TULP4: variants seen among roughly 807,000 people sequenced by gnomAD.
The protein encoded by TULP4 is TUB like protein 4.
A neutral mutation model predicts 129.0 loss-of-function variants in TULP4; 16 were observed. The observed-to-expected ratio is 0.12, with a 90% CI of 0.08 to 0.19. The LOEUF is 0.19. TULP4 is among the 10% of genes least tolerant of loss of function. TULP4 has a pLI of 1.00. For synonymous variants in TULP4, 998 were observed against 854.0 expected, an observed-to-expected ratio of 1.17 and a Z score of -2.94; for missense variants, 1,842 against 2,059.1, an observed-to-expected ratio of 0.89 and a Z score of 2.04.
At chr6:158,278,148 C>T (rs1488413867), upstream of TULP4, among the ~76,000 whole-genome samples, 3 of 152,180 alleles carry the variant, frequency 2.0e-5, no homozygotes, top group East Asian at 1.9e-4. Flanking sequence ...TGTTGCATGT[C>T]GGTCAAGTGG....
At chr6:158,469,300 A>T (rs1255640302) in intron 6 of TULP4, among the ~76,000 whole-genome samples, 1 of 148,694 alleles carries the variant, frequency 6.7e-6, no homozygotes, top group Non-Finnish European at 1.5e-5. Flanking sequence ...TCGAGACAGG[A>T]TCTCACTCTG....
chr6:158,351,458 G>A (rs1391487864), intron 1 of TULP4, among the ~76,000 whole-genome samples: 1 of 152,130 alleles, frequency 6.6e-6, no homozygotes, highest in Non-Finnish European at 1.5e-5. Flanking sequence ...AGTTGAATAA[G>A]GCTTGTTGTT....
At chr6:158,404,821 T>C (rs1414030886) in intron 1 of TULP4, among the ~76,000 whole-genome samples, 4 of 150,180 alleles carry the variant, frequency 2.7e-5, no homozygotes, top group East Asian at 3.9e-4. Flanking sequence ...ACATGAAATA[T>C]CCATAAGGTC....
chr6:158,393,844 C>T (rs955649340), intron 1 of TULP4, among the ~76,000 whole-genome samples: 4 of 152,220 alleles, frequency 2.6e-5, no homozygotes, highest in East Asian at 1.9e-4. Flanking sequence ...TTTTCCCCAT[C>T]GTCTTGGCGA....
upstream of TULP4, among the ~76,000 whole-genome samples, chr6:158,309,315 C>T (rs1295199096): frequency 7.0e-6 from 1 of 143,136 alleles, no homozygotes; most frequent in African/African-American, 2.6e-5. Flanking sequence ...AGAGGCGCTC[C>T]CCACATCTCA....
chr6:158,307,357 C>A (rs1381344880), intron 1 of TULP4, among the ~76,000 whole-genome samples: 1 of 152,102 alleles, frequency 6.6e-6, no homozygotes, highest in Non-Finnish European at 1.5e-5. Flanking sequence ...TCTTTGATAA[C>A]CACACTAAAA....
At chr6:158,242,582 GGAGA>G (rs1272963845) in intron 1 of TULP4, 7 of 725,598 alleles carry the variant, frequency 9.6e-6, no homozygotes, top group Middle Eastern at 2.4e-4. Context: ...CCTTTTCAAA[GGAGA>G]GAGAGTTATT....
intron 1 of TULP4, among the ~76,000 whole-genome samples, chr6:158,319,417 C>CTTACTTAG (rs5881251): frequency 0.86 from 130,544 of 151,574 alleles, 56,629 homozygotes; most frequent in South Asian, 0.93. Context: ...CATCTCTGCC[C>CTTACTTAG]TTACCTTATC....
intron 8 of TULP4, among the ~76,000 whole-genome samples, chr6:158,489,288 G>C (rs1021812984): frequency 1.4e-4 from 22 of 152,250 alleles, no homozygotes; most frequent in African/African-American, 3.9e-4. Flanking sequence ...GGGCACCTGT[G>C]TGTTGTGAGA....
At chr6:158,412,343 A>G (rs1423024536) in intron 1 of TULP4, among the ~76,000 whole-genome samples, 1 of 152,040 alleles carries the variant, frequency 6.6e-6, no homozygotes, top group Non-Finnish European at 1.5e-5. Context: ...GTCCCTCGCT[A>G]CTTTTACTGG....
At chr6:158,386,871 A>G (rs1427746439) in intron 1 of TULP4, among the ~76,000 whole-genome samples, 1 of 152,214 alleles carries the variant, frequency 6.6e-6, no homozygotes, top group Non-Finnish European at 1.5e-5. Flanking sequence ...AGTTGTTAGA[A>G]TGTCTATCTA....
intron 2 of TULP4, among the ~76,000 whole-genome samples, chr6:158,423,028 GCT>G (rs1189843670): frequency 6.6e-6 from 1 of 150,404 alleles, no homozygotes; most frequent in African/African-American, 2.4e-5. Flanking sequence ...TGTAATCCAA[GCT>G]CTCAGGGAGG....
chr6:158,393,024 C>T (rs1777624439), intron 1 of TULP4, among the ~76,000 whole-genome samples: 1 of 150,426 alleles, frequency 6.6e-6, no homozygotes, highest in Non-Finnish European at 1.5e-5. Flanking sequence ...GAGTTACTTC[C>T]AAGATACAGT....
At chr6:158,330,954 G>A (rs1779865238) in intron 1 of TULP4, among the ~76,000 whole-genome samples, 1 of 152,048 alleles carries the variant, frequency 6.6e-6, no homozygotes. Flanking sequence ...TCCCAAGCCA[G>A]AATACTACAT....
intron 1 of TULP4, among the ~76,000 whole-genome samples, chr6:158,300,014 G>A (rs764373655): frequency 3.3e-5 from 5 of 152,154 alleles, no homozygotes; most frequent in Admixed American, 6.5e-5. Flanking sequence ...TTAGTTAGAG[G>A]GGTCTCTGTT....
At chr6:158,278,989 G>A (rs1415811309), upstream of TULP4, among the ~76,000 whole-genome samples, 2 of 147,668 alleles carry the variant, frequency 1.4e-5, no homozygotes, top group Non-Finnish European at 3.0e-5. Flanking sequence ...CCCCAGGCTG[G>A]AGTGCAGTGG....
chr6:158,259,864 G>T (rs181359944), intron 1 of TULP4, among the ~76,000 whole-genome samples: 5 of 152,358 alleles, frequency 3.3e-5, no homozygotes, highest in Admixed American at 2.0e-4. Context: ...CAGCCAAATG[G>T]AAGAGACACA....
chr6:158,232,686 C>T (rs932124434), intron 1 of TULP4, among the ~76,000 whole-genome samples: 1 of 151,990 alleles, frequency 6.6e-6, no homozygotes, highest in Admixed American at 6.5e-5. Context: ...ATTGTGGAGA[C>T]AGAAAATCCC....
chr6:158,491,869 GT>G (rs1227006915), intron 9 of TULP4, among the ~76,000 whole-genome samples: 1 of 141,328 alleles, frequency 7.1e-6, no homozygotes, highest in African/African-American at 2.6e-5. Context: ...TTTTGTTGTT[GT>G]TTTTTCGAGC....
Sources: allele counts gnomAD v4.1 joint callset (sites outside exome capture counted in the v4.1 genomes callset), GRCh38; gene constraint gnomAD v4.1.1; transcripts MANE v1.5; gene names NCBI Gene and HGNC (gene_info 2026-07-23, HGNC 2026-07-21).